Variants in LRRFIP2 observed in about 807,000 individuals in gnomAD.
LRRFIP2 encodes LRR binding FLII interacting protein 2, also known as leucine-rich repeat flightless-interacting protein 2.
A neutral mutation model predicts 125.9 loss-of-function variants in LRRFIP2; 109 were observed. The ratio of observed to expected loss-of-function variants is 0.87; its 90% CI spans 0.74 to 1.01. The LOEUF is 1.01. Ranked by LOEUF, LRRFIP2 falls within the 50% of genes least tolerant of loss-of-function variation. LRRFIP2 has a pLI of 0.00. For missense variants in LRRFIP2, 850 were observed against 862.3 expected, an observed-to-expected ratio of 0.99 and a Z score of 0.18; for synonymous variants, 291 against 293.1, an observed-to-expected ratio of 0.99 and a Z score of 0.07.
intron 18 of LRRFIP2, among the ~76,000 whole-genome samples, chr3:37,089,648 T>C (rs967752722): frequency 1.3e-4 from 20 of 152,340 alleles, no homozygotes; most frequent in African/African-American, 4.8e-4. Context: ...TAATCTGTTC[T>C]TTTGTATTCT....
At chr3:37,058,292 C>G (rs777112912) in intron 25 of LRRFIP2, among the ~76,000 whole-genome samples, 1 of 152,202 alleles carries the variant, frequency 6.6e-6, no homozygotes, top group Non-Finnish European at 1.5e-5. Flanking sequence ...GCTAGTGGAG[C>G]CTCTATTCAG....
intron 6 of LRRFIP2, among the ~76,000 whole-genome samples, chr3:37,119,582 G>A (rs1007975296): frequency 1.3e-5 from 2 of 152,134 alleles, no homozygotes; most frequent in African/African-American, 2.4e-5. Flanking sequence ...TACAAGAAGA[G>A]GATTATTTTC....
chr3:37,083,934 G>C (rs1269368985), intron 18 of LRRFIP2, 128 bp from the exon 19 acceptor site: 1 of 650,810 alleles, frequency 1.5e-6, no homozygotes, highest in African/African-American at 1.9e-5. Context: ...GCGGTTTGGG[G>C]AACTCCTTGT....
intron 4 of LRRFIP2, among the ~76,000 whole-genome samples, chr3:37,124,334 G>A (rs2095189887): frequency 6.6e-6 from 1 of 152,176 alleles, no homozygotes; most frequent in African/African-American, 2.4e-5. Context: ...TGTAAGGCAA[G>A]CTCAAGGCAA....
intron 6 of LRRFIP2, among the ~76,000 whole-genome samples, chr3:37,118,697 G>C (rs1464961868): frequency 6.6e-6 from 1 of 152,142 alleles, no homozygotes; most frequent in East Asian, 1.9e-4. Context: ...TGGACAAAAG[G>C]AGAAACCTAA....
Position 37,065,873 on chromosome 3 carries a change from C to T in LRRFIP2, c.1636G>A (p.Ala546Thr). The T allele has an allele frequency of 1.2e-6, 2 of 1,614,188 alleles. No homozygotes were observed. The highest frequency in any genetic ancestry group is 1.7e-6 in the Non-Finnish European group (2 of 1,180,020). ...GCTTCCTGAGACACAACAGTGATGG[C>T]TCCAGCCACTGGTTCATGACTGACA... ...GDVSHEPVAG[A>T]ITVVSQEAAQ... Residue 546 changes from alanine to threonine, a missense_variant, in exon 23 of 28, where the codon GCC becomes ACC. Physicochemically the swap from Ala to Thr is moderately conservative, Grantham distance 58 (BLOSUM62 0). Transcript: ENST00000336686.
intron 1 of LRRFIP2, among the ~76,000 whole-genome samples, chr3:37,151,622 G>A (rs899863546): frequency 8.0e-5 from 12 of 149,782 alleles, no homozygotes; most frequent in African/African-American, 3.0e-4. Context: ...TGTTGAGATG[G>A]AGTCTCGCTC....
intron 19 of LRRFIP2, among the ~76,000 whole-genome samples, chr3:37,077,507 A>ATC (rs2148959171): frequency 6.6e-6 from 1 of 152,332 alleles, no homozygotes; most frequent in East Asian, 1.9e-4. Flanking sequence ...ATACATATAT[A>ATC]TCTTTTTAGA....
At chr3:37,165,780 GA>G (rs1479114591) in intron 1 of LRRFIP2, among the ~76,000 whole-genome samples, 5 of 81,824 alleles carry the variant, frequency 6.1e-5, no homozygotes, top group East Asian at 2.9e-4. Context: ...GAAAAGAAAA[GA>G]AAAGAGAAAG....
At chr3:37,158,346 C>T (rs1385742115) in intron 1 of LRRFIP2, among the ~76,000 whole-genome samples, 1 of 152,122 alleles carries the variant, frequency 6.6e-6, no homozygotes, top group Non-Finnish European at 1.5e-5. Context: ...GTGGCTCATG[C>T]CTGTAATCCC....
At chr3:37,136,648 A>G (rs925852570) in intron 2 of LRRFIP2, among the ~76,000 whole-genome samples, 2 of 152,068 alleles carry the variant, frequency 1.3e-5, no homozygotes, top group African/African-American at 4.8e-5. Context: ...AATATGCATT[A>G]TGAATCTCAA....
At chr3:37,153,847 T>C (rs1034823052) in intron 1 of LRRFIP2, among the ~76,000 whole-genome samples, 7 of 152,134 alleles carry the variant, frequency 4.6e-5, no homozygotes, top group African/African-American at 1.7e-4. Context: ...ATTGGCCAGG[T>C]CCAGTTACCT....
At chr3:37,110,343 T>C (rs767049897) in intron 9 of LRRFIP2, among the ~76,000 whole-genome samples, 13 of 152,218 alleles carry the variant, frequency 8.5e-5, no homozygotes, top group Non-Finnish European at 1.9e-4. Flanking sequence ...GAGGACATAC[T>C]TTTCAAGTTT....
chr3:37,174,326 C>T (rs895560531), intron 1 of LRRFIP2: 1 of 152,070 alleles, frequency 6.6e-6, no homozygotes, highest in Non-Finnish European at 1.5e-5. Flanking sequence ...CAAAAATGAG[C>T]AAATTACATT....
rs748213892 is a variant in LRRFIP2 at position 37,072,896 on chromosome 3, G to A, written c.1372-14C>T. On this transcript the variant is annotated splice_polypyrimidine_tract_variant and intron_variant, in intron 20 of 27. Transcript: ENST00000336686. ...GCGCTGCTTCTCCTGCAGAGGAAGA[G>A]GGGAAGAGAAGTAATAAAAGAGCAG... is the stretch of plus-strand genomic sequence containing the variant. The A allele has an allele frequency of 2.6e-6, 4 of 1,561,490 alleles. No homozygotes were observed. In the Admixed American group the frequency reaches 6.8e-5, roughly 27 times the overall value.
At chr3:37,088,575 G>C (rs2093234029) in intron 18 of LRRFIP2, among the ~76,000 whole-genome samples, 2 of 150,698 alleles carry the variant, frequency 1.3e-5, no homozygotes, top group Non-Finnish European at 2.9e-5. Context: ...TGCTTTGAGA[G>C]GCCAAGCGGG....
intron 1 of LRRFIP2, among the ~76,000 whole-genome samples, chr3:37,149,309 C>T (rs2095945130): frequency 6.6e-6 from 1 of 152,114 alleles, no homozygotes; most frequent in Non-Finnish European, 1.5e-5. Context: ...TTTAAAATTA[C>T]TATAGCTGGG....
intron 9 of LRRFIP2, 25 bp downstream of exon 9, chr3:37,110,966 T>A (rs1174108417): frequency 3.1e-6 from 5 of 1,608,324 alleles, no homozygotes; most frequent in Admixed American, 1.7e-5. Flanking sequence ...ATCAAACACA[T>A]AAAGCCAAAA....
At chr3:37,116,331 C>A (rs1231470498) in intron 6 of LRRFIP2, among the ~76,000 whole-genome samples, 1 of 151,584 alleles carries the variant, frequency 6.6e-6, no homozygotes, top group Admixed American at 6.6e-5. Flanking sequence ...GAGATGGGGT[C>A]TTGCTATGTT....
Sources: allele counts gnomAD v4.1 joint callset (sites outside exome capture counted in the v4.1 genomes callset), GRCh38; gene constraint gnomAD v4.1.1; transcripts MANE v1.5; gene names NCBI Gene and HGNC (gene_info 2026-07-23, HGNC 2026-07-21).